The following RGS7 variants were observed in gnomAD, a reference collection of about 807,000 sequenced individuals.
RGS7 encodes regulator of G-protein signaling 7.
A neutral mutation model predicts 81.1 loss-of-function variants in RGS7; 27 were observed. The observed-to-expected ratio is 0.33, with a 90% CI of 0.25 to 0.46. RGS7 has a LOEUF of 0.46. RGS7 is among the 20% of genes least tolerant of loss of function. The probability of loss-of-function intolerance (pLI) is 1.00; values close to 1 mark genes in which losing one functional copy is unlikely to be tolerated. For missense variants in RGS7, 396 were observed against 607.4 expected (o/e 0.65, Z 3.66); for synonymous variants, 208 against 207.7 (o/e 1.00, Z -0.01).
chr1:240,865,252 C>T (rs1663023023), intron 9 of RGS7, among the ~76,000 whole-genome samples: 1 of 152,174 alleles, frequency 6.6e-6, no homozygotes, highest in East Asian at 1.9e-4. Flanking sequence ...CACTCTGCCC[C>T]AGGTCTCCCT....
chr1:241,144,885 G>A lies in RGS7; in HGVS notation c.79-46123C>T, dbSNP rs1261572026. 6.7e-6 allele frequency among the ~76,000 whole-genome samples: 1 copy of A among 149,752 alleles called. No individual in the cohort carries two copies. The highest frequency in any genetic ancestry group is 1.9e-4 in the East Asian group (1 of 5,160). ...TTCTTAAAATCTTAACGTCCCAAAG[G>A]AACAACTGATGTGAGTCAGTATGTG... is the stretch of plus-strand genomic sequence containing the variant. On this transcript the variant is annotated intron_variant, in intron 2 of 18. Transcript: ENST00000440928. This position sits in a 1 kb window ranked among gnomAD's most constrained non-coding sequence, Gnocchi z 4.7.
chr1:241,085,602 T>A (rs1054447564), intron 3 of RGS7, among the ~76,000 whole-genome samples: 2 of 89,440 alleles, frequency 2.2e-5, no homozygotes, highest in East Asian at 2.0e-4. Flanking sequence ...TTTTTTATAT[T>A]TTTTTTAGTA....
intron 2 of RGS7, among the ~76,000 whole-genome samples, chr1:241,245,875 T>C (rs1573330305): frequency 6.6e-6 from 1 of 150,908 alleles, no homozygotes; most frequent in East Asian, 2.0e-4. Flanking sequence ...GAGGCCGAGG[T>C]GGGTGGATCA....
At chr1:241,188,304 CACACACACAA>C (rs1403224413) in intron 2 of RGS7, among the ~76,000 whole-genome samples, 2 of 148,470 alleles carry the variant, frequency 1.3e-5, no homozygotes, top group Non-Finnish European at 3.0e-5. Flanking sequence ...CACACACACA[CACACACACAA>C]AAAGAGACAG....
At position 241,085,328 on chromosome 1, in the gene RGS7, G is replaced by T. The variant is rs184810171; in HGVS notation, c.175+13338C>A. Among the ~76,000 whole-genome samples, 544 of 152,246 alleles carry T rather than the reference G, an allele frequency of 3.6e-3. 2 individuals carry two copies. The highest frequency in any genetic ancestry group is 0.012 in the African/African-American group (509 of 41,546). On this transcript the variant is annotated intron_variant, in intron 3 of 18. Transcript: ENST00000440928. ...TTAATATGGATAGGCTGGGGGCAGT[G>T]GTGGTGGATATTTCCAGAGATATTA... is the stretch of plus-strand genomic sequence containing the variant.
chr1:241,235,942 CAG>C (rs2075949128), intron 2 of RGS7, among the ~76,000 whole-genome samples: 3 of 82,090 alleles, frequency 3.7e-5, no homozygotes, highest in Admixed American at 2.2e-4. Context: ...GAAAGACAGA[CAG>C]AGACAGAGGA....
intron 6 of RGS7, among the ~76,000 whole-genome samples, chr1:240,884,093 A>G (rs1465700131): frequency 6.7e-6 from 1 of 150,250 alleles, no homozygotes; most frequent in Non-Finnish European, 1.5e-5. Context: ...AAAAAAAAAA[A>G]AAAAAAAAAA....
rs1446889608 is a variant in RGS7, at chr1:240,827,154, T to C, written c.628A>G (p.Thr210Ala). 2 of 1,613,666 alleles carry C rather than the reference T, an allele frequency of 1.2e-6. No individual in the cohort carries two copies. Among genetic ancestry groups the C allele is most frequent in the East Asian group, 2.2e-5 (1 of 44,882 alleles). ...GATGACTTCTTAATGTCCACTTCAGTTGTATTTACACATCCAGGCTGGGAA... is the reference window on the plus strand; with the variant it reads ...GATGACTTCTTAATGTCCACTTCAGCTGTATTTACACATCCAGGCTGGGAA... ...HRPVPGCVNT[T>A]EVDIKKSSRM... Residue 210 changes from threonine to alanine, a missense_variant, in exon 10 of 19, where the codon ACT becomes GCT. Thr to Ala is a moderately conservative substitution (Grantham distance 58, BLOSUM62 0). Transcript: ENST00000440928.
intron 2 of RGS7, among the ~76,000 whole-genome samples, chr1:241,128,249 C>T (rs2066814955): frequency 6.7e-6 from 1 of 148,502 alleles, no homozygotes; most frequent in African/African-American, 2.5e-5. Context: ...TGCACTCCAG[C>T]CTGGGCCACA....
intron 15 of RGS7, among the ~76,000 whole-genome samples, chr1:240,804,635 C>T (rs1369327196): frequency 6.6e-6 from 1 of 152,116 alleles, no homozygotes; most frequent in Non-Finnish European, 1.5e-5. Flanking sequence ...TCAGGAAGGG[C>T]ATTCCAAACA....
intron 5 of RGS7, among the ~76,000 whole-genome samples, chr1:240,934,586 T>A (rs1676267115): frequency 6.6e-6 from 1 of 152,212 alleles, no homozygotes; most frequent in Admixed American, 6.5e-5. Flanking sequence ...ATTATTAGAT[T>A]TACAAATGTG....
chr1:241,181,265 G>A (rs2071591285), intron 2 of RGS7, among the ~76,000 whole-genome samples: 1 of 152,160 alleles, frequency 6.6e-6, no homozygotes, highest in Non-Finnish European at 1.5e-5. Flanking sequence ...TACCTCTCTG[G>A]TGGAGTATGT....
chr1:241,063,296 A>G (rs911157028), intron 3 of RGS7, among the ~76,000 whole-genome samples: 1 of 152,218 alleles, frequency 6.6e-6, no homozygotes, highest in African/African-American at 2.4e-5. Context: ...CAGTCTAAGC[A>G]GGCATTCCAT....
chr1:241,183,958 C>G (rs570316513), intron 2 of RGS7, among the ~76,000 whole-genome samples: 2 of 152,216 alleles, frequency 1.3e-5, no homozygotes, highest in Admixed American at 1.3e-4. Flanking sequence ...ACAGCAACAC[C>G]CTGTTGGGCA....
chr1:241,008,233 A>G (rs1220961019), intron 3 of RGS7, among the ~76,000 whole-genome samples: 1 of 152,216 alleles, frequency 6.6e-6, no homozygotes, highest in Non-Finnish European at 1.5e-5. Context: ...AAAGAGACTG[A>G]GCCTGTAAAA....
intron 2 of RGS7, among the ~76,000 whole-genome samples, chr1:241,145,827 G>T (rs529003190): frequency 6.6e-6 from 1 of 152,284 alleles, no homozygotes; most frequent in African/African-American, 2.4e-5. Context: ...CCAGTTTAAT[G>T]AACAGTTCTG....
rs543615593 is a variant in RGS7 at position 241,099,898 on chromosome 1, G to A, written c.79-1136C>T. 3.3e-5 allele frequency among the ~76,000 whole-genome samples: 5 copies of A among 152,264 alleles called. No homozygotes were observed. In the South Asian group the frequency reaches 1.0e-3, roughly 32 times the overall value. On this transcript the variant is annotated intron_variant, in intron 2 of 18. Coordinates refer to ENST00000440928, the MANE Select transcript of RGS7 (RefSeq NM_001364886.1). ...AGTATGTAGTTTAGCTAATAGTGTT[G>A]TACTAATGTTAATTTCTTGTTTTGA...
chr1:241,121,055 T>G (rs188287881), intron 2 of RGS7, among the ~76,000 whole-genome samples: 1 of 152,198 alleles, frequency 6.6e-6, no homozygotes, highest in African/African-American at 2.4e-5. Context: ...TCTCTCTGGA[T>G]TATGATCTCA....
At position 241,164,761 on chromosome 1, in the gene RGS7, G is replaced by T. The variant is rs942159325; in HGVS notation, c.79-65999C>A. Among the ~76,000 whole-genome samples, 2 of 152,172 alleles carry T rather than the reference G, an allele frequency of 1.3e-5. No homozygotes were observed. Among genetic ancestry groups the T allele is most frequent in the Non-Finnish European group, 2.9e-5 (2 of 68,034 alleles). The stretch of plus-strand genomic sequence containing the variant: ...ACTCAGATTCTGCGCATGGGCCACC[G>T]ATTTGCAAGTGGCATGTGCTCATAT... On this transcript the variant is annotated intron_variant, in intron 2 of 18. Coordinates refer to ENST00000440928, the MANE Select transcript of RGS7 (RefSeq NM_001364886.1). This position sits in a 1 kb window ranked among gnomAD's most constrained non-coding sequence, Gnocchi z 4.1.
Sources: allele counts gnomAD v4.1 joint callset (sites outside exome capture counted in the v4.1 genomes callset), GRCh38; gene constraint gnomAD v4.1.1; non-coding constraint Gnocchi (gnomAD v3.1); transcripts MANE v1.5; gene names NCBI Gene and HGNC (gene_info 2026-07-23, HGNC 2026-07-21).